DNAH7: variants seen among roughly 807,000 people sequenced by gnomAD.
DNAH7 encodes dynein axonemal heavy chain 7.
In DNAH7, 397 loss-of-function variants were observed where a neutral mutation model predicts 444.6. The ratio of observed to expected loss-of-function variants is 0.89; its 90% CI spans 0.82 to 0.97. The LOEUF is 0.97. DNAH7 is among the 50% of genes least tolerant of loss of function. DNAH7 has a pLI of 0.00. For synonymous variants in DNAH7, 1,636 were observed against 1,624.4 expected (o/e 1.01, Z -0.17); for missense variants, 4,902 against 4,800.8 (o/e 1.02, Z -0.62).
Position 195,743,839 on chromosome 2 carries a change from G to A in DNAH7, c.11765-2970C>T, listed in dbSNP as rs148982446. ...AGTAAATAAAGTTCAAGATTTTGCA[G>A]AAATGTATCAGCTATTATAAATTAA... On this transcript the variant is annotated intron_variant, in intron 63 of 64. Coordinates refer to ENST00000312428, the MANE Select transcript of DNAH7 (RefSeq NM_018897.3). Among the ~76,000 whole-genome samples the A allele has an allele frequency of 5.8e-3, 883 of 152,346 alleles. 8 individuals carry two copies. The highest frequency in any genetic ancestry group is 0.02 in the African/African-American group (850 of 41,576).
In DNAH7 at chr2:195,864,331, G is replaced by C. The variant is rs376122638; in HGVS notation, c.7324C>G (p.Arg2442Gly). Residue 2442 changes from arginine (R) to glycine (G), a missense_variant, in exon 41 of 65, where the codon CGC becomes GGC. Coordinates refer to ENST00000312428, the MANE Select transcript of DNAH7 (RefSeq NM_018897.3). ...GTTTGCTTGGTTTTATCCCGCTGGCGATCTAACTGACGCATCTTATCACAT... is the reference window on the plus strand; with the variant it reads ...GTTTGCTTGGTTTTATCCCGCTGGCCATCTAACTGACGCATCTTATCACAT... ...EICDKMRQLD[R>G]QRDKTKQTDG... 7 of 1,614,086 alleles carry C rather than the reference G, an allele frequency of 4.3e-6. No individual in the cohort carries two copies. The highest frequency in any genetic ancestry group is 1.1e-5 in the South Asian group (1 of 91,070).
Position 195,789,707 on chromosome 2 carries a change from C to T in DNAH7, c.10717-2536G>A, listed in dbSNP as rs573886061. ...CCAGATGTGATCTCTGAGCATACAA[C>T]ATCACCTATGGAATATCTTGGCTAA... On this transcript the variant is annotated intron_variant, in intron 57 of 64. Transcript: ENST00000312428. Among the ~76,000 whole-genome samples, 147 of 152,022 alleles carry T rather than the reference C, an allele frequency of 9.7e-4. 3 individuals carry two copies. The South Asian group carries it at 0.031, about 32-fold the overall frequency.
chr2:195,916,223 G>A (rs1384499594), intron 24 of DNAH7, among the ~76,000 whole-genome samples: 1 of 152,166 alleles, frequency 6.6e-6, no homozygotes, highest in Non-Finnish European at 1.5e-5. Context: ...GTGATGCTGG[G>A]TTTGATGATG....
At position 195,883,451 on chromosome 2, in the gene DNAH7, T is replaced by TCCCCCCCC. The variant is rs778869268; in HGVS notation, c.5763+1126_5763+1133dup. ...CAACACAGCGAGACTCAGTCCCCGC[T>TCCCCCCCC]CCCCCCCCCCAAAAAAAAAGAATCA... On this transcript the variant is annotated intron_variant, in intron 35 of 64. Transcript: ENST00000312428. 1.9e-4 allele frequency among the ~76,000 whole-genome samples: 23 copies of TCCCCCCCC among 121,070 alleles called. 2 individuals are homozygous for TCCCCCCCC. The highest frequency in any genetic ancestry group is 6.8e-4 in the African/African-American group (21 of 31,076). The allele number at this position is 121,070 out of a possible 152,430, so 79.4% of individuals were successfully genotyped here.
chr2:195,891,775 T>C lies in DNAH7; in HGVS notation c.4926A>G (p.Ile1642Met), dbSNP rs777116465. 6.3e-6 allele frequency: 10 copies of C among 1,598,550 alleles called. No individual in the cohort carries two copies. In the South Asian group the frequency reaches 1.2e-4, roughly 19 times the overall value. The stretch of plus-strand genomic sequence containing the variant: ...TGACAGACTTAGGATTTAAAACAGT[T>C]ATTTGAACTTTGTTTTCTTCCATTA... Reference protein sequence around the residue: ...KGLMEENKVQITVLNPKSVTM... With the variant: ...KGLMEENKVQMTVLNPKSVTM... The change falls in exon 31 of 65, where the codon ATA becomes ATG. Residue 1642 changes from isoleucine (I) to methionine (M), a missense_variant. Physicochemically the swap from Ile to Met is conservative, Grantham distance 10. Transcript: ENST00000312428.
At position 195,906,722 on chromosome 2, in the gene DNAH7, A is replaced by C; in HGVS notation, c.4272T>G (p.Cys1424Trp). 1 of 1,613,530 alleles carries C rather than the reference A, an allele frequency of 6.2e-7. No homozygotes were observed. Among genetic ancestry groups the C allele is most frequent in the Non-Finnish European group, 8.5e-7 (1 of 1,179,604 alleles). Reference protein sequence around the residue: ...EGTELKLDPTCAVFITMNPGY... With the variant: ...EGTELKLDPTWAVFITMNPGY... ...CAGGGTTCATTGTTATAAAGACAGC[A>C]CATGTGGGGTCAAGTTTTAGTTCAG... Residue 1424 changes from cysteine (C) to tryptophan (W), a missense_variant, in exon 27 of 65, where the codon TGT (cysteine) becomes TGG (tryptophan). Physicochemically the swap from Cys to Trp is radical, Grantham distance 215. Coordinates refer to ENST00000312428, the MANE Select transcript of DNAH7 (RefSeq NM_018897.3).
At chr2:195,948,925 G>T (rs1171180347) in intron 19 of DNAH7, among the ~76,000 whole-genome samples, 1 of 152,136 alleles carries the variant, frequency 6.6e-6, no homozygotes, top group African/African-American at 2.4e-5. Context: ...CTATCCATGA[G>T]CATGGAATCT....
chr2:195,953,208 TGG>T (rs1357735526), intron 19 of DNAH7, among the ~76,000 whole-genome samples: 1 of 152,302 alleles, frequency 6.6e-6, no homozygotes, highest in Admixed American at 6.5e-5. Context: ...GCAGGTCTGC[TGG>T]AGTGTGCTGG....
chr2:195,862,975 G>A (rs1420754713), intron 41 of DNAH7, among the ~76,000 whole-genome samples: 1 of 152,184 alleles, frequency 6.6e-6, no homozygotes, highest in Non-Finnish European at 1.5e-5. Flanking sequence ...GGCAGAGGTT[G>A]CAGTGAGCCA....
chr2:195,953,517 T>C (rs562820530), intron 19 of DNAH7, among the ~76,000 whole-genome samples: 2 of 152,336 alleles, frequency 1.3e-5, no homozygotes, highest in African/African-American at 4.8e-5. Flanking sequence ...CGTTTAAGTC[T>C]GCTGAAGCTG....
At chr2:195,834,480 T>A in intron 47 of DNAH7, 120 bp from the exon 48 acceptor site, 1 of 1,115,602 alleles carries the variant, frequency 9.0e-7, no homozygotes, top group South Asian at 2.4e-5. Flanking sequence ...ATTTTACTTT[T>A]TAACTTATGA....
chr2:195,893,910 T>G (rs1702157545), intron 30 of DNAH7: 2 of 151,748 alleles, frequency 1.3e-5, no homozygotes, highest in Admixed American at 1.3e-4. Flanking sequence ...TATATGTATA[T>G]ATATATAAAA....
In DNAH7 at chr2:195,936,772, A is replaced by G; in HGVS notation, c.3099T>C (p.Val1033=). Residue 1033 remains valine (V), a synonymous_variant, in exon 20 of 65, where the codon GTT becomes GTC. Coordinates refer to ENST00000312428, the MANE Select transcript of DNAH7 (RefSeq NM_018897.3). ...TTTCCAGCATTCTGTCAATGGTTAC[A>G]ACTGTCAGAACATGTTTATCCTAAA... ...SVMQDKHVLT[V]VTIDRMLERL... is the part of the protein sequence containing the mutation. 6.5e-7 allele frequency: 1 copy of G among 1,546,864 alleles called. No homozygotes were observed.
intron 25 of DNAH7, among the ~76,000 whole-genome samples, chr2:195,908,651 T>C (rs1053608286): frequency 1.4e-4 from 21 of 152,168 alleles, no homozygotes; most frequent in African/African-American, 4.6e-4. Flanking sequence ...TGTATAGATA[T>C]ACCCCATTTT....
intron 46 of DNAH7, among the ~76,000 whole-genome samples, chr2:195,845,938 A>G (rs568357323): frequency 3.9e-5 from 6 of 152,380 alleles, no homozygotes; most frequent in Non-Finnish European, 8.8e-5. Context: ...CATTCTAGAC[A>G]TAGGCCCTGG....
At position 196,060,080 on chromosome 2, in the gene DNAH7, T is replaced by C. The variant is rs186905790; in HGVS notation, c.16-1964A>G. On this transcript the variant is annotated intron_variant, in intron 1 of 64. Transcript: ENST00000312428. Reference sequence around the variant, plus strand: ...AATACAAAAAACAATTAGCCGGGTGTGGTGGCAGGCGCCTGTAGTCCTAGC... The same window carrying C: ...AATACAAAAAACAATTAGCCGGGTGCGGTGGCAGGCGCCTGTAGTCCTAGC... 3.7e-4 allele frequency among the ~76,000 whole-genome samples: 57 copies of C among 152,026 alleles called. 1 individual carries two copies. The highest frequency in any genetic ancestry group is 3.4e-3 in the Middle Eastern group (1 of 294).
chr2:195,966,717 C>G (rs1473982038), intron 17 of DNAH7, among the ~76,000 whole-genome samples: 3 of 151,972 alleles, frequency 2.0e-5, no homozygotes, highest in Non-Finnish European at 4.4e-5. Flanking sequence ...TGTCTTCTCA[C>G]AGTTTTTGTC....
rs191014081 is a variant in DNAH7 at position 195,884,460 on chromosome 2, T to G, written c.5763+125A>C. ...GACTTCAAGCCAGTGCATCTTCCTCTATTCTATGCTGTCTCTTATGGTAAA... is the reference window on the plus strand; with the variant it reads ...GACTTCAAGCCAGTGCATCTTCCTCGATTCTATGCTGTCTCTTATGGTAAA... On this transcript the variant is annotated intron_variant, in intron 35 of 64. Transcript: ENST00000312428. 2.0e-4 allele frequency: 138 copies of G among 696,424 alleles called. No homozygotes were observed. The African/African-American group carries it at 2.4e-3, about 12-fold the overall frequency. 43.1% of individuals were successfully genotyped at this position (696,424 alleles called of 1,614,324 possible). A position where few individuals can be genotyped will look rare whatever the true frequency, so the allele number is the denominator to read the frequency against.
At chr2:195,879,693 T>C (rs1701268394) in intron 36 of DNAH7, among the ~76,000 whole-genome samples, 1 of 152,172 alleles carries the variant, frequency 6.6e-6, no homozygotes, top group Admixed American at 6.5e-5. Flanking sequence ...TGTTTGTTTA[T>C]TCAATTTAAT....
Sources: gnomAD v4.1 joint callset for allele counts (sites outside exome capture counted in the v4.1 genomes callset) on GRCh38, gnomAD v4.1.1 for gene constraint, MANE v1.5 for transcripts, NCBI Gene and HGNC (gene_info 2026-07-23, HGNC 2026-07-21) for gene names.